Variants in RSRC1 observed in about 807,000 individuals in gnomAD.
The protein encoded by RSRC1 is serine/Arginine-related protein 53.
A neutral mutation model predicts 49.1 loss-of-function variants in RSRC1; 39 were observed. That is an observed-to-expected ratio of 0.79 (90% CI 0.61 to 1.04). RSRC1 has a LOEUF of 1.04. Among genes scored for constraint, RSRC1 ranks in the 50% least tolerant of loss-of-function variants. The pLI, the probability that RSRC1 is intolerant of heterozygous loss-of-function variation, is 0.00. For synonymous variants in RSRC1, 143 were observed against 130.8 expected, an observed-to-expected ratio of 1.09 and a Z score of -0.63; for missense variants, 388 against 402.4, an observed-to-expected ratio of 0.96 and a Z score of 0.31.
At chr3:158,523,145 T>C (rs1342496905) in intron 7 of RSRC1, among the ~76,000 whole-genome samples, 1 of 152,122 alleles carries the variant, frequency 6.6e-6, no homozygotes, top group Non-Finnish European at 1.5e-5. Context: ...ATAGGCATTT[T>C]TTAAGTGTTG....
chr3:158,219,828 G>A (rs1722134460), intron 4 of RSRC1, among the ~76,000 whole-genome samples: 1 of 151,554 alleles, frequency 6.6e-6, no homozygotes, highest in Non-Finnish European at 1.5e-5. Flanking sequence ...AAACTTACCA[G>A]TTATTTAATA....
chr3:158,450,723 A>G (rs961882103), intron 6 of RSRC1, among the ~76,000 whole-genome samples: 7 of 151,912 alleles, frequency 4.6e-5, no homozygotes, highest in Non-Finnish European at 8.8e-5. Context: ...ATGAGTTTTT[A>G]GGTTATCTGT....
chr3:158,367,657 A>C (rs953253034), intron 6 of RSRC1, among the ~76,000 whole-genome samples: 1 of 152,212 alleles, frequency 6.6e-6, no homozygotes, highest in Admixed American at 6.5e-5. Context: ...CTGGCCTCAT[A>C]AAATGAGTTG....
At position 158,110,581 on chromosome 3, in the gene RSRC1, C is replaced by T. The variant is rs576015668; in HGVS notation, c.-3+358C>T. ...TCCTGGCTCATCTTGCAATATAAGC[C>T]TGGCGCTTCCTCACTAGCTCTAGGT... On this transcript the variant is annotated intron_variant, in intron 1 of 9. Coordinates refer to ENST00000611884, the MANE Select transcript of RSRC1 (RefSeq NM_001271838.2). 4 of 152,446 alleles carry T rather than the reference C, an allele frequency of 2.6e-5. No homozygotes were observed. In the South Asian group the frequency reaches 8.3e-4, roughly 32 times the overall value. The allele number at this position is 152,446 out of a possible 1,614,324, so 9.4% of individuals were successfully genotyped here.
intron 5 of RSRC1, among the ~76,000 whole-genome samples, chr3:158,329,277 C>G (rs891582616): frequency 6.6e-6 from 1 of 152,194 alleles, no homozygotes; most frequent in Non-Finnish European, 1.5e-5. Context: ...CCATTACTTG[C>G]GAGGAGCTAC....
chr3:158,130,491 A>AT (rs1295034606), intron 3 of RSRC1, among the ~76,000 whole-genome samples: 5 of 152,144 alleles, frequency 3.3e-5, no homozygotes, highest in South Asian at 4.1e-4. Flanking sequence ...TGGATTTTGG[A>AT]TTTTTTCAGA....
intron 4 of RSRC1, among the ~76,000 whole-genome samples, chr3:158,273,688 A>G (rs1202051768): frequency 1.3e-5 from 2 of 152,172 alleles, no homozygotes; most frequent in Non-Finnish European, 2.9e-5. Flanking sequence ...TGGATTGGTA[A>G]GCATCCCCAT....
intron 4 of RSRC1, among the ~76,000 whole-genome samples, chr3:158,271,194 G>A (rs572231931): frequency 6.6e-6 from 1 of 152,182 alleles, no homozygotes; most frequent in African/African-American, 2.4e-5. Flanking sequence ...TTTGTACTAT[G>A]AGTTTTACAA....
chr3:158,347,854 C>T (rs1279474591), intron 5 of RSRC1, among the ~76,000 whole-genome samples: 1 of 152,054 alleles, frequency 6.6e-6, no homozygotes, highest in Non-Finnish European at 1.5e-5. Flanking sequence ...ACGCCCACCC[C>T]AAATGTTGTT....
chr3:158,343,595 A>G lies in RSRC1; in HGVS notation c.532-11262A>G, dbSNP rs538452120. On this transcript the variant is annotated intron_variant, in intron 5 of 9. Coordinates refer to ENST00000611884, the MANE Select transcript of RSRC1 (RefSeq NM_001271838.2). The stretch of plus-strand genomic sequence containing the variant: ...ACCTGATCAGAGAGCTATACCAGAA[A>G]GAGTGAACATATTAAGTAGAGACAT... Among the ~76,000 whole-genome samples, 5 of 152,348 alleles carry G rather than the reference A, an allele frequency of 3.3e-5. No individual in the cohort carries two copies. The South Asian group carries it at 8.3e-4, about 25-fold the overall frequency.
chr3:158,423,488 T>C (rs1175936811), intron 6 of RSRC1, among the ~76,000 whole-genome samples: 5 of 152,174 alleles, frequency 3.3e-5, no homozygotes, highest in Non-Finnish European at 7.3e-5. Context: ...AGCCTTGTAG[T>C]ATAGTTTGAA....
chr3:158,192,817 A>C (rs1188204637), intron 3 of RSRC1, among the ~76,000 whole-genome samples: 1 of 152,074 alleles, frequency 6.6e-6, no homozygotes, highest in Admixed American at 6.6e-5. Flanking sequence ...GCCGAGGGTT[A>C]TCTGTGAAGA....
chr3:158,484,057 A>G (rs762248598), intron 7 of RSRC1, among the ~76,000 whole-genome samples: 13 of 152,102 alleles, frequency 8.5e-5, no homozygotes, highest in Non-Finnish European at 1.5e-4. Flanking sequence ...TTACTGGTTT[A>G]TTGATTTTTC....
intron 3 of RSRC1, among the ~76,000 whole-genome samples, chr3:158,169,469 G>T (rs980872486): frequency 1.3e-5 from 2 of 152,098 alleles, no homozygotes; most frequent in African/African-American, 4.8e-5. Context: ...CTCCTAGCCT[G>T]TTGGAATGCT....
intron 6 of RSRC1, among the ~76,000 whole-genome samples, chr3:158,438,957 C>A (rs1350331707): frequency 1.4e-4 from 21 of 151,926 alleles, no homozygotes; most frequent in African/African-American, 3.4e-4. Context: ...CAATGAACTC[C>A]AACAAATTTA....
intron 6 of RSRC1, among the ~76,000 whole-genome samples, chr3:158,417,526 C>T (rs752851042): frequency 6.6e-5 from 10 of 151,798 alleles, no homozygotes; most frequent in African/African-American, 1.2e-4. Flanking sequence ...TTCTGAAAAA[C>T]GGTTTTCACT....
At chr3:158,451,900 G>C (rs1468167414) in intron 6 of RSRC1, among the ~76,000 whole-genome samples, 1 of 151,884 alleles carries the variant, frequency 6.6e-6, no homozygotes, top group African/African-American at 2.4e-5. Flanking sequence ...AGTCCCAAAG[G>C]CTCATGGGAT....
intron 6 of RSRC1, among the ~76,000 whole-genome samples, chr3:158,433,404 G>A (rs1018737129): frequency 6.6e-6 from 1 of 151,896 alleles, no homozygotes; most frequent in Non-Finnish European, 1.5e-5. Flanking sequence ...CAAAAATAAG[G>A]TAATACAGAG....
intron 3 of RSRC1, among the ~76,000 whole-genome samples, chr3:158,180,092 G>A (rs985706761): frequency 2.6e-5 from 4 of 151,816 alleles, no homozygotes; most frequent in African/African-American, 7.3e-5. Context: ...TTTTGTTGTT[G>A]TTGTTTTTTA....
Sources: gnomAD v4.1 joint callset for allele counts (sites outside exome capture counted in the v4.1 genomes callset) on GRCh38, gnomAD v4.1.1 for gene constraint, MANE v1.5 for transcripts, NCBI Gene and HGNC (gene_info 2026-07-23, HGNC 2026-07-21) for gene names.